Variants in CCDC40 observed in about 807,000 individuals in gnomAD.
CCDC40 encodes the protein coiled-coil domain 40 molecular ruler complex subunit.
Under a neutral mutation model 124.5 loss-of-function variants are expected in CCDC40, and 104 were observed. The observed-to-expected ratio is 0.84, with a 90% CI of 0.71 to 0.98. The LOEUF (loss-of-function observed/expected upper bound fraction) is 0.98. Among genes scored for constraint, CCDC40 ranks in the 50% least tolerant of loss-of-function variants. The probability of loss-of-function intolerance (pLI) is 0.00; values close to 1 mark genes in which losing one functional copy is unlikely to be tolerated. For synonymous variants in CCDC40, 580 were observed against 602.9 expected, an observed-to-expected ratio of 0.96 and a Z score of 0.56; for missense variants, 1,463 against 1,503.9, an observed-to-expected ratio of 0.97 and a Z score of 0.45.
intron 1 of CCDC40, among the ~76,000 whole-genome samples, chr17:80,037,688 A>AAAAAAAAAAATATATATATATATATAT: frequency 8.8e-5 from 4 of 45,672 alleles, no homozygotes; most frequent in African/African-American, 2.4e-4. Flanking sequence ...TTTTTTAAAA[A>AAAAAAAAAAATATATATATATATATAT]AGATATACAT....
In CCDC40 at chr17:80,048,587, C is replaced by A; in HGVS notation, c.681C>A (p.Ile227=). The part of the protein sequence containing the change: ...LEEFVSQEPV[I]PPGVPDAHPR... ...TGTCGCTGTCTCTCCCCCCAGTGAT[C>A]CCCCCAGGGGTGCCCGATGCCCACC... The change falls in exon 5 of 20, where the codon ATC becomes ATA. Residue 227 remains isoleucine (I), a synonymous_variant. Transcript: ENST00000397545. The A allele has an allele frequency of 6.2e-7, 1 of 1,611,750 alleles. No homozygotes were observed. Among genetic ancestry groups the A allele is most frequent in the Non-Finnish European group, 8.5e-7 (1 of 1,178,380 alleles).
chr17:80,085,940 A>T, intron 13 of CCDC40, 63 bp from the exon 14 acceptor site: 1 of 1,468,740 alleles, frequency 6.8e-7, no homozygotes, highest in Non-Finnish European at 9.5e-7. Flanking sequence ...AAAGTGCTGG[A>T]ATTACAGGCG....
Position 80,090,257 on chromosome 17 carries a change from AC to A in CCDC40, c.2832+374del. The A allele has an allele frequency of 4.9e-6, 4 of 823,354 alleles. 1 individual carries two copies. Among genetic ancestry groups the A allele is most frequent in the South Asian group, 4.7e-5 (2 of 42,984 alleles). 51.0% of individuals were successfully genotyped at this position (823,354 alleles called of 1,614,324 possible). On this transcript the variant is annotated intron_variant, in intron 17 of 19. Transcript: ENST00000397545. ...CAGGCACGTGCACGAACAACACGGG[AC>A]GCGCGCGGGCACGTGCACGAACAAC...
rs775341967 is a variant in CCDC40, at chr17:80,039,905, G to A, written c.187G>A (p.Ala63Thr). 4.3e-6 allele frequency: 7 copies of A among 1,613,818 alleles called. No individual in the cohort carries two copies. The highest frequency in any genetic ancestry group is 5.9e-6 in the Non-Finnish European group (7 of 1,179,854). The change falls in exon 3 of 20, where the codon GCA becomes ACA. Residue 63 changes from alanine to threonine, a missense_variant. Physicochemically the swap from Ala to Thr is moderately conservative, Grantham distance 58 (BLOSUM62 0). Transcript: ENST00000397545. ...PEEVTTQAEA[A>T]IEEGEVETEG... ...GGAAGTCACAACCCAAGCGGAAGCT[G>A]CAATTGAAGAGGGGGAGGTGGAGAC...
intron 10 of CCDC40, among the ~76,000 whole-genome samples, chr17:80,071,020 G>A (rs987288557): frequency 7.9e-5 from 12 of 152,176 alleles, no homozygotes; most frequent in Non-Finnish European, 1.3e-4. Context: ...TTCAAAGACC[G>A]CAGCGGTCCA....
intron 3 of CCDC40, among the ~76,000 whole-genome samples, chr17:80,044,704 A>ATATATATATATATATAT (rs1485851817): frequency 1.7e-3 from 62 of 37,040 alleles, no homozygotes; most frequent in Middle Eastern, 0.01. Flanking sequence ...AAAACAAACA[A>ATATATATATATATATAT]ACAAAAAAAA....
At chr17:80,059,488 TAAAAAA>T (rs538629976) in intron 9 of CCDC40, among the ~76,000 whole-genome samples, 1 of 120,870 alleles carries the variant, frequency 8.3e-6, no homozygotes, top group African/African-American at 2.9e-5. Flanking sequence ...TACTGCAACT[TAAAAAA>T]AAAAAAAAAA....
intron 3 of CCDC40, among the ~76,000 whole-genome samples, chr17:80,044,698 CAAACAAACA>C (rs1393591947): frequency 0.12 from 8,670 of 70,974 alleles, 437 homozygotes; most frequent in Non-Finnish European, 0.2. Context: ...CAAAACAAAA[CAAACAAACA>C]AAAAAAAAAA....
At chr17:80,037,688 A>AAAAAAAAATATATATATATAT in intron 1 of CCDC40, among the ~76,000 whole-genome samples, 45 of 45,704 alleles carry the variant, frequency 9.8e-4, no homozygotes, top group African/African-American at 2.6e-3. Flanking sequence ...TTTTTTAAAA[A>AAAAAAAAATATATATATATAT]AGATATACAT....
In CCDC40 at chr17:80,100,462, C is replaced by T. The variant is rs1370880920; in HGVS notation, c.*687C>T. 1 of 152,868 alleles carries T rather than the reference C, an allele frequency of 6.5e-6. No homozygotes were observed. The highest frequency in any genetic ancestry group is 2.4e-5 in the African/African-American group (1 of 41,458). The allele number at this position is 152,868 out of a possible 1,614,324, so 9.5% of individuals were successfully genotyped here. ...CCAGTCTGCCCACCTATCTTTTCTC[C>T]ATCATTAACCCAGCGCTCTTTCTCC... On this transcript the variant is annotated 3_prime_UTR_variant, in exon 20 of 20. Coordinates refer to ENST00000397545, the MANE Select transcript of CCDC40 (RefSeq NM_017950.4).
chr17:80,084,393 G>C (rs2038529913), intron 12 of CCDC40, among the ~76,000 whole-genome samples: 1 of 152,170 alleles, frequency 6.6e-6, no homozygotes, highest in African/African-American at 2.4e-5. Context: ...CATGGGGGTA[G>C]CGGCCCCCAT....
At position 80,089,866 on chromosome 17, in the gene CCDC40, C is replaced by T. The variant is rs761521503; in HGVS notation, c.2814C>T (p.Gly938=). The change falls in exon 17 of 20, where the codon GGC becomes GGT. Residue 938 remains glycine (G), a synonymous_variant. Coordinates refer to ENST00000397545, the MANE Select transcript of CCDC40 (RefSeq NM_017950.4). ...IGQTEIRAMK[G]EIHRMKVRLG... is the part of the protein sequence containing the mutation. ...AGACGGAGATCCGGGCCATGAAGGG[C>T]GAGATCCACAGGATGAAGGTGAGGG... is the stretch of plus-strand genomic sequence containing the variant. The T allele has an allele frequency of 5.0e-6, 8 of 1,614,210 alleles. No homozygotes were observed. The highest frequency in any genetic ancestry group is 2.2e-5 in the East Asian group (1 of 44,890).
chr17:80,048,506 C>A, intron 4 of CCDC40, 77 bp from the exon 5 acceptor site: 2 of 1,174,608 alleles, frequency 1.7e-6, no homozygotes, highest in Non-Finnish European at 2.5e-6. Context: ...AGCAGCTGTG[C>A]CATTGATGCC....
intron 17 of CCDC40, chr17:80,090,375 CA>C (rs2038697811): frequency 9.0e-7 from 1 of 1,105,096 alleles, no homozygotes; most frequent in Non-Finnish European, 1.3e-6. Context: ...TGCACGAACA[CA>C]GGACACACAC....
At position 80,087,613 on chromosome 17, in the gene CCDC40, T is replaced by C. The variant is rs1316337946; in HGVS notation, c.2456T>C (p.Ile819Thr). ...EQKKLRVESKIEQEKKEQKEI... is the reference protein window; with the variant it reads ...EQKKLRVESKTEQEKKEQKEI... Reference sequence around the variant, plus strand: ...TCTCTGTTTTCTGCCATAGGCAAGATTGAGCAGGAGAAGAAGGAGCAGAAG... The same window carrying C: ...TCTCTGTTTTCTGCCATAGGCAAGACTGAGCAGGAGAAGAAGGAGCAGAAG... The change falls in exon 15 of 20, where the codon ATT becomes ACT. Residue 819 changes from isoleucine to threonine, a missense_variant. Ile to Thr is a moderately conservative substitution (Grantham distance 89, BLOSUM62 -1). Transcript: ENST00000397545. The surrounding 1 kb of genome is among the most constrained non-coding windows in gnomAD (Gnocchi z 4.5). 7 of 1,614,000 alleles carry C rather than the reference T, an allele frequency of 4.3e-6. No individual in the cohort carries two copies. The highest frequency in any genetic ancestry group is 2.2e-5 in the East Asian group (1 of 44,872).
At chr17:80,065,883 A>G (rs1374299133) in intron 10 of CCDC40, among the ~76,000 whole-genome samples, 2 of 152,242 alleles carry the variant, frequency 1.3e-5, no homozygotes, top group Non-Finnish European at 2.9e-5. Flanking sequence ...GGTAAAGAGA[A>G]AGCTATCTTT....
intron 7 of CCDC40, among the ~76,000 whole-genome samples, chr17:80,056,314 C>T (rs1392977295): frequency 1.3e-5 from 2 of 151,860 alleles, no homozygotes; most frequent in Admixed American, 6.6e-5. Flanking sequence ...GCGGATATTC[C>T]ACCTCAAAAC....
At chr17:80,068,768 A>C (rs1276407915) in intron 10 of CCDC40, among the ~76,000 whole-genome samples, 1 of 152,106 alleles carries the variant, frequency 6.6e-6, no homozygotes, top group Non-Finnish European at 1.5e-5. Flanking sequence ...AATCGAGCTC[A>C]CCAGAGCCTG....
intron 19 of CCDC40, 96 bp downstream of exon 19, chr17:80,097,499 C>T: frequency 1.5e-6 from 2 of 1,336,190 alleles, no homozygotes; most frequent in South Asian, 1.2e-5. Context: ...CACGGCCTCT[C>T]CTGATCAGGT....
Sources: gnomAD v4.1 joint callset for allele counts (sites outside exome capture counted in the v4.1 genomes callset) on GRCh38, gnomAD v4.1.1 for gene constraint, Gnocchi (gnomAD v3.1) non-coding constraint, MANE v1.5 for transcripts, NCBI Gene and HGNC (gene_info 2026-07-23, HGNC 2026-07-21) for gene names.